SLC6A7: variants seen among roughly 807,000 people sequenced by gnomAD.
SLC6A7 encodes the protein solute carrier family 6 member 7, also known as sodium-dependent proline transporter.
A neutral mutation model predicts 73.1 loss-of-function variants in SLC6A7; 58 were observed. That is an observed-to-expected ratio of 0.79 (90% CI 0.64 to 0.99). The LOEUF is 0.99. Ranked by LOEUF, SLC6A7 falls within the 50% of genes least tolerant of loss-of-function variation. The pLI, the probability that SLC6A7 is intolerant of heterozygous loss-of-function variation, is 0.00. For synonymous variants in SLC6A7, 338 were observed against 338.7 expected, an observed-to-expected ratio of 1.00 and a Z score of 0.02; for missense variants, 783 against 831.4, an observed-to-expected ratio of 0.94 and a Z score of 0.72.
chr5:150,190,461 A>G, intron 1 of SLC6A7, 101 bp downstream of exon 1: 1 of 777,662 alleles, frequency 1.3e-6, no homozygotes, highest in South Asian at 2.2e-5. Flanking sequence ...ATGCACCCAG[A>G]CCAGCTTCGG....
At chr5:150,204,493 G>C in intron 10 of SLC6A7, 39 bp from the exon 11 acceptor site, 1 of 1,484,384 alleles carries the variant, frequency 6.7e-7, no homozygotes, top group Non-Finnish European at 9.4e-7. Flanking sequence ...AGAGAACGAG[G>C]CCCAGGAAGG....
chr5:150,198,064 AAAGAAAG>A (rs1753133877), intron 4 of SLC6A7, among the ~76,000 whole-genome samples: 1 of 83,916 alleles, frequency 1.2e-5, no homozygotes, highest in Non-Finnish European at 2.5e-5. Flanking sequence ...AGAAAGAAAG[AAAGAAAG>A]AAAGAAAGAA....
intron 13 of SLC6A7, 39 bp downstream of exon 13, chr5:150,205,662 C>A: frequency 2.6e-6 from 4 of 1,554,370 alleles, no homozygotes; most frequent in East Asian, 2.3e-5. Context: ...GCCTTCCTGA[C>A]CTGTGGCCTG....
rs778477016 is a variant in SLC6A7, at chr5:150,204,047, C to A, written c.1332+9C>A. On this transcript the variant is annotated intron_variant, in intron 10 of 13. Transcript: ENST00000230671. ...TGATCCTCACCACTGATGTGAGTGG[C>A]GCTACAGGGAGGATGGCAGGTGGGC... 1 of 1,610,876 alleles carries A rather than the reference C, an allele frequency of 6.2e-7. No homozygotes were observed. The highest frequency in any genetic ancestry group is 1.3e-5 in the African/African-American group (1 of 74,804).
At chr5:150,192,977 T>A (rs1428992441) in intron 1 of SLC6A7, among the ~76,000 whole-genome samples, 1 of 152,126 alleles carries the variant, frequency 6.6e-6, no homozygotes, top group Non-Finnish European at 1.5e-5. Context: ...AGAGGCAGCC[T>A]CAGGGAACGG....
intron 5 of SLC6A7, among the ~76,000 whole-genome samples, chr5:150,199,638 T>G (rs1260912657): frequency 6.6e-6 from 1 of 152,190 alleles, no homozygotes; most frequent in Non-Finnish European, 1.5e-5. Flanking sequence ...GCACTTTGAA[T>G]GAGCTCAGCA....
At chr5:150,200,571 T>C (rs992839981) in intron 5 of SLC6A7, among the ~76,000 whole-genome samples, 1 of 152,236 alleles carries the variant, frequency 6.6e-6, no homozygotes, top group South Asian at 2.1e-4. Flanking sequence ...TTGTTTCCTC[T>C]GCAAGGTGCA....
intron 13 of SLC6A7, among the ~76,000 whole-genome samples, chr5:150,206,812 G>A (rs1056843330): frequency 7.9e-5 from 12 of 152,188 alleles, no homozygotes; most frequent in Non-Finnish European, 1.6e-4. Flanking sequence ...TTAGGGGGGA[G>A]GCTCCAGCTC....
intron 13 of SLC6A7, among the ~76,000 whole-genome samples, chr5:150,207,408 A>G (rs1289269871): frequency 6.6e-6 from 1 of 152,158 alleles, no homozygotes; most frequent in African/African-American, 2.4e-5. Flanking sequence ...AGCACCTGCC[A>G]CCACGTCCAG....
chr5:150,205,644 C>T, intron 13 of SLC6A7, 21 bp downstream of exon 13: 1 of 1,590,408 alleles, frequency 6.3e-7, no homozygotes, highest in Non-Finnish European at 8.6e-7. Flanking sequence ...CCACCCTGTC[C>T]ACTCTCAGCC....
chr5:150,203,400 C>T lies in SLC6A7; in HGVS notation c.1088-267C>T, dbSNP rs537875745. 1.7e-3 allele frequency among the ~76,000 whole-genome samples: 261 copies of T among 152,182 alleles called. 1 individual carries two copies. The highest frequency in any genetic ancestry group is 6.1e-3 in the African/African-American group (254 of 41,524). ...TGTGTGTTAGTGGGGTTATTTGTAC[C>T]AATAATTGTATACATAAGTATATTT... On this transcript the variant is annotated intron_variant, in intron 8 of 13. Transcript: ENST00000230671.
chr5:150,209,598 G>A lies in SLC6A7; in HGVS notation c.1894G>A (p.Glu632Lys). The change falls in exon 14 of 14, where the codon GAG (glutamate) becomes AAG (lysine). Residue 632 changes from glutamate to lysine, a missense_variant. Transcript: ENST00000230671. Reference protein sequence around the residue: ...IEVDREIAEEEESMM With the variant: ...IEVDREIAEEKESMM ...GGTGGACCGTGAGATTGCAGAGGAG[G>A]AGGAGTCGATGATGTGAGGCAGGAG... The A allele has an allele frequency of 1.9e-6, 3 of 1,607,482 alleles. No homozygotes were observed. The highest frequency in any genetic ancestry group is 2.2e-5 in the East Asian group (1 of 44,652).
rs555845790 is a variant in SLC6A7 at position 150,210,260 on chromosome 5, G to C, written c.*645G>C. The stretch of plus-strand genomic sequence containing the variant: ...AGAGAGAGGAAGAAGAGGGCAGGGT[G>C]GGGAGGAGCTCTGGGCCAGAGGATG... On this transcript the variant is annotated 3_prime_UTR_variant, in exon 14 of 14. Transcript: ENST00000230671. The C allele has an allele frequency of 6.2e-6, 1 of 160,264 alleles. No individual in the cohort carries two copies. The highest frequency in any genetic ancestry group is 1.4e-5 in the Non-Finnish European group (1 of 72,620). 9.9% of individuals were successfully genotyped at this position (160,264 alleles called of 1,614,324 possible).
rs1286131309 is a variant in SLC6A7 at position 150,198,104 on chromosome 5, AAAG to A, written c.584+831_584+833del. 3.0e-5 allele frequency among the ~76,000 whole-genome samples: 3 copies of A among 101,656 alleles called. No individual in the cohort carries two copies. The East Asian group carries it at 7.3e-4, about 25-fold the overall frequency. 66.7% of individuals were successfully genotyped at this position (101,656 alleles called of 152,430 possible). On this transcript the variant is annotated intron_variant, in intron 4 of 13. Transcript: ENST00000230671. ...GAAAGAAAGAAAGAAAGAAAGAAAG[AAAG>A]AAAGAAAGAGAAAGAAAGAAAGAAA...
intron 13 of SLC6A7, among the ~76,000 whole-genome samples, chr5:150,207,686 C>G (rs940776338): frequency 6.6e-6 from 1 of 152,176 alleles, no homozygotes; most frequent in Non-Finnish European, 1.5e-5. Context: ...CCACTTCCCA[C>G]CTGTGTGACC....
At chr5:150,192,334 C>T (rs1752825642) in intron 1 of SLC6A7, among the ~76,000 whole-genome samples, 1 of 152,160 alleles carries the variant, frequency 6.6e-6, no homozygotes, top group African/African-American at 2.4e-5. Context: ...CTTGGGCAGT[C>T]TTGAGTCTCC....
In SLC6A7 at chr5:150,205,614, A is replaced by G; in HGVS notation, c.1692A>G (p.Ser564=). Residue 564 remains serine (S), a synonymous_variant, in exon 13 of 14, where the codon TCA becomes TCG. Transcript: ENST00000230671. ...MLVAVLREEG[S]LWERLQQASR... ...TGGCTGTGCTTCGAGAAGAGGGCTC[A>G]CTCTGGGAGGTGAGTCTGCCCACCC... 1 of 1,608,350 alleles carries G rather than the reference A, an allele frequency of 6.2e-7. No homozygotes were observed. The highest frequency in any genetic ancestry group is 1.7e-5 in the Admixed American group (1 of 59,674).
rs769040818 is a variant in SLC6A7, at chr5:150,197,077, G to C, written c.385G>C (p.Val129Leu). The C allele has an allele frequency of 1.2e-6, 2 of 1,613,986 alleles. No homozygotes were observed. Among genetic ancestry groups the C allele is most frequent in the African/African-American group, 2.7e-5 (2 of 74,948 alleles). The change falls in exon 4 of 14, where the codon GTG becomes CTG. Residue 129 changes from valine (V) to leucine (L), a missense_variant. Physicochemically the swap from Val to Leu is conservative, Grantham distance 32 (BLOSUM62 1). Coordinates refer to ENST00000230671, the MANE Select transcript of SLC6A7 (RefSeq NM_014228.5). ...GAAMLLIVGLVAIYYNMIIAY... is the reference protein window; with the variant it reads ...GAAMLLIVGLLAIYYNMIIAY... Reference sequence around the variant, plus strand: ...AGCCATGCTGCTCATCGTGGGCTTGGTGGCCATCTACTACAACATGATCAT... The same window carrying C: ...AGCCATGCTGCTCATCGTGGGCTTGCTGGCCATCTACTACAACATGATCAT...
intron 4 of SLC6A7, among the ~76,000 whole-genome samples, chr5:150,197,902 A>C (rs1272685070): frequency 6.6e-6 from 1 of 152,124 alleles, no homozygotes; most frequent in East Asian, 1.9e-4. Flanking sequence ...ATGCAGGTGA[A>C]ACCATTATCA....
Sources: allele counts gnomAD v4.1 joint callset (sites outside exome capture counted in the v4.1 genomes callset), GRCh38; gene constraint gnomAD v4.1.1; transcripts MANE v1.5; gene names NCBI Gene and HGNC (gene_info 2026-07-23, HGNC 2026-07-21).